The following ZNF18 variants were observed in gnomAD, a reference collection of about 807,000 sequenced individuals.
The protein encoded by ZNF18 is heart development-specific gene 1 protein.
ZNF18 carries 42 observed loss-of-function variants against 58.1 expected under a neutral mutation model. That is an observed-to-expected ratio of 0.72 (90% confidence interval 0.56 to 0.93). The LOEUF is 0.93. ZNF18 is among the 40% of genes least tolerant of loss of function. ZNF18 has a pLI of 0.00. For synonymous variants in ZNF18, 231 were observed against 239.8 expected, an observed-to-expected ratio of 0.96 and a Z score of 0.34; for missense variants, 540 against 644.2, an observed-to-expected ratio of 0.84 and a Z score of 1.75.
the ZNF18 span, chr17:12,020,923 G>A: frequency 6.7e-6 from 8 of 1,192,978 alleles, no homozygotes; most frequent in Non-Finnish European, 8.3e-6. Flanking sequence ...CGGCGGCTCC[G>A]GGGGCGGCAG....
chr17:11,983,559 G>C (rs1967520739), intron 5 of ZNF18, 152 bp from the exon 6 acceptor site: 1 of 614,188 alleles, frequency 1.6e-6, no homozygotes, highest in Non-Finnish European at 2.9e-6. Flanking sequence ...TGTGGAGCTT[G>C]TAAGACACCA....
At chr17:12,015,065 C>A in the ZNF18 span, among the ~76,000 whole-genome samples, 158 of 151,946 alleles carry the variant, frequency 1.0e-3, 1 homozygote, top group Middle Eastern at 0.017. Context: ...ACAAAAAAAA[C>A]CCCACTGAAT....
At chr17:12,010,969 A>G in the ZNF18 span, 4 of 717,980 alleles carry the variant, frequency 5.6e-6, no homozygotes, top group Admixed American at 5.3e-5. Flanking sequence ...TTCTCTTGGC[A>G]AGAATCTTGC....
rs1350107754 is a variant in ZNF18, at chr17:11,986,747, AAAG to A, written c.667-2553_667-2551del. 9.2e-5 allele frequency among the ~76,000 whole-genome samples: 14 copies of A among 152,290 alleles called. 1 individual carries two copies. The highest frequency in any genetic ancestry group is 3.4e-4 in the African/African-American group (14 of 41,552). ...ACCTTGGCTTCAGTGCTAGCAGAGAAAAGGATGCACTTGCCAAGCACAGTAATA... is the reference window on the plus strand; with the variant it reads ...ACCTTGGCTTCAGTGCTAGCAGAGAAGATGCACTTGCCAAGCACAGTAATA... On this transcript the variant is annotated intron_variant, in intron 4 of 6. Transcript: ENST00000580306.
intron 1 of ZNF18, chr17:11,996,938 C>T (rs969107199): frequency 6.6e-6 from 1 of 152,216 alleles, no homozygotes; most frequent in African/African-American, 2.4e-5. Flanking sequence ...TTCTGGTTGT[C>T]ACAAGCAGCT....
At chr17:11,998,556 T>TA (rs1968595807), upstream of ZNF18, 2 of 150,594 alleles carry the variant, frequency 1.3e-5, no homozygotes, top group Admixed American at 6.6e-5. Flanking sequence ...GTCATTATCA[T>TA]AACATGTCCT....
At chr17:12,014,679 T>C in the ZNF18 span, among the ~76,000 whole-genome samples, 5 of 152,052 alleles carry the variant, frequency 3.3e-5, no homozygotes, top group Non-Finnish European at 5.9e-5. Context: ...CTGCAAAGGG[T>C]ATAAAGTTTC....
intron 6 of ZNF18, among the ~76,000 whole-genome samples, chr17:11,979,461 G>A (rs1967202008): frequency 6.6e-6 from 1 of 152,180 alleles, no homozygotes. Flanking sequence ...TACTATAAAA[G>A]TGAATCCCTT....
chr17:12,002,465 A>C (rs1239604666), upstream of ZNF18: 1 of 152,190 alleles, frequency 6.6e-6, no homozygotes, highest in Non-Finnish European at 1.5e-5. Context: ...AAATAGTCTA[A>C]CATTGATGAG....
chr17:11,986,659 T>C (rs1347705985), intron 4 of ZNF18, among the ~76,000 whole-genome samples: 1 of 152,210 alleles, frequency 6.6e-6, no homozygotes, highest in Non-Finnish European at 1.5e-5. Context: ...CTCCTGAAAA[T>C]AATCACTTGA....
chr17:12,008,448 C>T, the ZNF18 span, among the ~76,000 whole-genome samples: 1 of 152,256 alleles, frequency 6.6e-6, no homozygotes, highest in Admixed American at 6.5e-5. Context: ...GATCCTCACG[C>T]CTCAGCCTGT....
chr17:11,997,971 C>T (rs988059311), upstream of ZNF18, among the ~76,000 whole-genome samples: 2 of 152,138 alleles, frequency 1.3e-5, no homozygotes, highest in Non-Finnish European at 2.9e-5. Flanking sequence ...GCTCTGCATC[C>T]CCTGGGTCCT....
chr17:12,017,127 G>T, the ZNF18 span, among the ~76,000 whole-genome samples: 2 of 151,776 alleles, frequency 1.3e-5, no homozygotes, highest in African/African-American at 4.8e-5. Context: ...GAACCTGGAG[G>T]TAGGGGTTGT....
chr17:11,991,514 TAA>T (rs1017530043), intron 2 of ZNF18, among the ~76,000 whole-genome samples: 3 of 152,188 alleles, frequency 2.0e-5, no homozygotes, highest in African/African-American at 4.8e-5. Context: ...CCTCAATAGC[TAA>T]AGAGTGTTGA....
chr17:12,003,006 A>G, the ZNF18 span, among the ~76,000 whole-genome samples: 1 of 152,214 alleles, frequency 6.6e-6, no homozygotes, highest in African/African-American at 2.4e-5. Context: ...AATAGAGCAA[A>G]GAGTGATTTA....
rs757813028 is a variant in ZNF18 at position 11,992,549 on chromosome 17, G to C, written c.281C>G (p.Pro94Arg). Residue 94 changes from proline (P) to arginine (R), a missense_variant, in exon 2 of 7, where the codon CCT becomes CGT. By Grantham distance (103) the Pro-to-Arg change is moderately radical (BLOSUM62 -2). Transcript: ENST00000580306. ...LMLEQFLTIL[P>R]GEIQMWVRKQ... ...CCGCACCCACATCTGGATCTCCCCA[G>C]GCAGGATGGTCAGAAACTGCTCCAA... 2 of 1,614,204 alleles carry C rather than the reference G, an allele frequency of 1.2e-6. No individual in the cohort carries two copies. Among genetic ancestry groups the C allele is most frequent in the South Asian group, 2.2e-5 (2 of 91,084 alleles).
In ZNF18 at chr17:11,978,313, C is replaced by T. The variant is rs777203770; in HGVS notation, c.1294G>A (p.Gly432Arg). The T allele has an allele frequency of 2.6e-5, 41 of 1,598,162 alleles. No homozygotes were observed. Among genetic ancestry groups the T allele is most frequent in the Non-Finnish European group, 3.2e-5 (37 of 1,173,792 alleles). The change falls in exon 7 of 7, where the codon GGA (glycine) becomes AGA (arginine). Residue 432 changes from glycine (G) to arginine (R), a missense_variant. Physicochemically the swap from Gly to Arg is moderately radical, Grantham distance 125. Coordinates refer to ENST00000580306, the MANE Select transcript of ZNF18 (RefSeq NM_001303281.2). Reference sequence around the variant, plus strand: ...ATGGTGCACTGAAAGTATGTCTCTCCGGTGTGAGTTCTTTGGTGAAAAATA... The same window carrying T: ...ATGGTGCACTGAAAGTATGTCTCTCTGGTGTGAGTTCTTTGGTGAAAAATA... ...QLIFHQRTHT[G>R]ETYFQCTICK...
intron 4 of ZNF18, among the ~76,000 whole-genome samples, chr17:11,990,244 A>G (rs1055816952): frequency 2.0e-5 from 3 of 151,962 alleles, no homozygotes; most frequent in African/African-American, 4.8e-5. Context: ...ATATATATAT[A>G]TGTATATATA....
Position 11,991,177 on chromosome 17 carries a change from A to G in ZNF18, c.388-14T>C. The stretch of plus-strand genomic sequence containing the variant: ...CTGGATACTGATCTAGAGACCATAT[A>G]TTAATTAGTAATTACTGAAGAATCC... On this transcript the variant is annotated splice_polypyrimidine_tract_variant and intron_variant, in intron 2 of 6. Coordinates refer to ENST00000580306, the MANE Select transcript of ZNF18 (RefSeq NM_001303281.2). 6.2e-7 allele frequency: 1 copy of G among 1,603,608 alleles called. No individual in the cohort carries two copies. Among genetic ancestry groups the G allele is most frequent in the Non-Finnish European group, 8.5e-7 (1 of 1,172,164 alleles).
Sources: allele counts gnomAD v4.1 joint callset (sites outside exome capture counted in the v4.1 genomes callset), GRCh38; gene constraint gnomAD v4.1.1; transcripts MANE v1.5; gene names NCBI Gene and HGNC (gene_info 2026-07-23, HGNC 2026-07-21).